Variants in DTD1 observed in about 807,000 individuals in gnomAD.
DTD1 encodes the protein D-tyrosyl-tRNA deacylase 1 homolog.
DTD1 carries 13 observed loss-of-function variants against 25.6 expected under a neutral mutation model. The observed-to-expected ratio is 0.51, with a 90% CI of 0.33 to 0.81. DTD1 has a LOEUF of 0.81. Ranked by LOEUF, DTD1 falls within the 30% of genes least tolerant of loss-of-function variation. DTD1 has a pLI of 0.02. For missense variants in DTD1, 193 were observed against 266.4 expected (o/e 0.72, Z 1.92); for synonymous variants, 110 against 103.6 (o/e 1.06, Z -0.37).
At chr20:18,663,859 G>A (rs1212490788) in intron 4 of DTD1, among the ~76,000 whole-genome samples, 1 of 152,166 alleles carries the variant, frequency 6.6e-6, no homozygotes, top group African/African-American at 2.4e-5. Context: ...GATATCATGA[G>A]AACTCACTCA....
chr20:18,606,126 CAG>C (rs1187673221), intron 3 of DTD1, among the ~76,000 whole-genome samples: 1 of 150,150 alleles, frequency 6.7e-6, no homozygotes, highest in Non-Finnish European at 1.5e-5. Context: ...AGGACATGAA[CAG>C]ACAATTCTCA....
intron 4 of DTD1, among the ~76,000 whole-genome samples, chr20:18,724,403 T>C (rs568027814): frequency 1.3e-5 from 2 of 152,330 alleles, no homozygotes; most frequent in African/African-American, 4.8e-5. Flanking sequence ...TGATGATATT[T>C]ATTGCCCTCA....
At chr20:18,731,237 C>T (rs1156446734) in intron 4 of DTD1, among the ~76,000 whole-genome samples, 1 of 152,166 alleles carries the variant, frequency 6.6e-6, no homozygotes, top group Non-Finnish European at 1.5e-5. Context: ...AGTTCCTATC[C>T]TACAGATGAC....
At chr20:18,695,853 T>C (rs1490314386) in intron 4 of DTD1, among the ~76,000 whole-genome samples, 2 of 151,672 alleles carry the variant, frequency 1.3e-5, no homozygotes, top group East Asian at 3.9e-4. Context: ...TTTAATTTTA[T>C]TTTTGTAGAG....
Position 18,623,874 on chromosome 20 carries a change from C to CTGTGTGTGTG in DTD1, c.371-4229_371-4220dup, listed in dbSNP as rs55984974. On this transcript the variant is annotated intron_variant, in intron 3 of 5. Transcript: ENST00000377452. ...TTCTCAACAGTACTTACAAGAAGAA[C>CTGTGTGTGTG]TGTGTGTGTGTGTGTGTGTGTGTGT... Among the ~76,000 whole-genome samples the CTGTGTGTGTG allele has an allele frequency of 2.9e-3, 415 of 143,712 alleles. 5 individuals are homozygous for CTGTGTGTGTG. Among genetic ancestry groups the CTGTGTGTGTG allele is most frequent in the Middle Eastern group, 0.011 (3 of 284 alleles). The allele number at this position is 143,712 out of a possible 152,430, so 94.3% of individuals were successfully genotyped here. A position where few individuals can be genotyped will look rare whatever the true frequency, so the allele number is the denominator to read the frequency against.
intron 4 of DTD1, among the ~76,000 whole-genome samples, chr20:18,726,728 C>T (rs1237844472): frequency 6.6e-6 from 1 of 152,182 alleles, no homozygotes; most frequent in East Asian, 1.9e-4. Context: ...ACCTCTTCCT[C>T]CCCTTGCCCC....
rs142694025 is a variant in DTD1, at chr20:18,594,444, A to T, written c.134+623A>T. 2.5e-4 allele frequency among the ~76,000 whole-genome samples: 38 copies of T among 152,328 alleles called. No individual in the cohort carries two copies. In the East Asian group the frequency reaches 5.8e-3, roughly 23 times the overall value. On this transcript the variant is annotated intron_variant, in intron 2 of 5. Coordinates refer to ENST00000377452, the MANE Select transcript of DTD1 (RefSeq NM_080820.6). The stretch of plus-strand genomic sequence containing the variant: ...TTAGGTGTCTTAGCCAAGGCAGCAC[A>T]GATGAAATATGGCCCTAAAATCCTG...
At chr20:18,653,798 G>A (rs915263688) in intron 4 of DTD1, among the ~76,000 whole-genome samples, 2 of 152,202 alleles carry the variant, frequency 1.3e-5, no homozygotes, top group African/African-American at 4.8e-5. Flanking sequence ...TATATGTGAA[G>A]GAGGGTTATA....
At chr20:18,762,927 A>T (rs2061368491) in intron 5 of DTD1, among the ~76,000 whole-genome samples, 1 of 151,934 alleles carries the variant, frequency 6.6e-6, no homozygotes, top group Admixed American at 6.6e-5. Context: ...CAGATTATTG[A>T]TTTGATAACC....
chr20:18,740,845 T>C (rs1490296345), intron 4 of DTD1, among the ~76,000 whole-genome samples: 1 of 152,168 alleles, frequency 6.6e-6, no homozygotes, highest in Non-Finnish European at 1.5e-5. Flanking sequence ...GAAAGAGCAT[T>C]TTAATACCAG....
chr20:18,627,259 T>G (rs540367184), intron 3 of DTD1, among the ~76,000 whole-genome samples: 33 of 152,256 alleles, frequency 2.2e-4, no homozygotes, highest in African/African-American at 6.5e-4. Context: ...TAGGAAAGAC[T>G]CAGAGAAGGA....
chr20:18,754,494 G>A (rs538637917), intron 5 of DTD1, among the ~76,000 whole-genome samples: 2 of 152,332 alleles, frequency 1.3e-5, no homozygotes, highest in East Asian at 3.9e-4. Context: ...CATCCCTTCA[G>A]TAGCTCTTAG....
Position 18,764,484 on chromosome 20 carries a change from A to G in DTD1, c.*1144A>G, listed in dbSNP as rs2061374185. On this transcript the variant is annotated 3_prime_UTR_variant, in exon 6 of 6. Coordinates refer to ENST00000377452, the MANE Select transcript of DTD1 (RefSeq NM_080820.6). ...GAAAATATTTTTGTATATAGAAGAGACATCCTTAATTGTGATTTTTATAAT... is the reference window on the plus strand; with the variant it reads ...GAAAATATTTTTGTATATAGAAGAGGCATCCTTAATTGTGATTTTTATAAT... 2 of 152,218 alleles carry G rather than the reference A, an allele frequency of 1.3e-5. No individual in the cohort carries two copies. The highest frequency in any genetic ancestry group is 4.8e-5 in the African/African-American group (2 of 41,452). The allele number at this position is 152,218 out of a possible 1,614,324, so 9.4% of individuals were successfully genotyped here.
At chr20:18,597,121 C>A (rs1201929793) in intron 3 of DTD1, among the ~76,000 whole-genome samples, 1 of 150,980 alleles carries the variant, frequency 6.6e-6, no homozygotes, top group Non-Finnish European at 1.5e-5. Context: ...TTGACCTAGT[C>A]TCATAGACTC....
intron 4 of DTD1, among the ~76,000 whole-genome samples, chr20:18,702,744 C>CAAAAA (rs10583250): frequency 3.2e-5 from 4 of 123,106 alleles, no homozygotes; most frequent in Non-Finnish European, 6.6e-5. Flanking sequence ...TGGAATGAGG[C>CAAAAA]AAAAAAAAAA....
intron 4 of DTD1, among the ~76,000 whole-genome samples, chr20:18,702,987 G>A (rs1050526518): frequency 6.6e-5 from 10 of 152,200 alleles, no homozygotes; most frequent in African/African-American, 2.4e-4. Flanking sequence ...TGCTGGGTGG[G>A]TCAGCTTTGT....
intron 4 of DTD1, among the ~76,000 whole-genome samples, chr20:18,657,251 T>C (rs1053963878): frequency 3.9e-5 from 6 of 152,202 alleles, no homozygotes; most frequent in Non-Finnish European, 8.8e-5. Context: ...CTTTGCCGAT[T>C]AACAGGTAAC....
intron 4 of DTD1, among the ~76,000 whole-genome samples, chr20:18,710,720 C>G (rs1047853358): frequency 5.9e-5 from 9 of 152,180 alleles, no homozygotes; most frequent in Admixed American, 5.9e-4. Flanking sequence ...CAGTCAACAG[C>G]CCTTAAATGC....
At chr20:18,651,398 G>A (rs1382196513) in intron 4 of DTD1, among the ~76,000 whole-genome samples, 1 of 152,180 alleles carries the variant, frequency 6.6e-6, no homozygotes, top group Non-Finnish European at 1.5e-5. Context: ...CAATCTGCCC[G>A]TCTCCGCCTC....
Sources: allele counts gnomAD v4.1 joint callset (sites outside exome capture counted in the v4.1 genomes callset), GRCh38; gene constraint gnomAD v4.1.1; transcripts MANE v1.5; gene names NCBI Gene and HGNC (gene_info 2026-07-23, HGNC 2026-07-21).